Variants in PPEF1 observed in about 807,000 individuals in gnomAD.
PPEF1 encodes the protein protein phosphatase with EF-hand domain 1.
Under a neutral mutation model 53.3 loss-of-function variants are expected in PPEF1, and 12 were observed. That is an observed-to-expected ratio of 0.23 (90% CI 0.14 to 0.36). The LOEUF is 0.36. Among genes scored for constraint, PPEF1 ranks in the 10% least tolerant of loss-of-function variants. The probability of loss-of-function intolerance (pLI) is 1.00; values close to 1 mark genes in which losing one functional copy is unlikely to be tolerated. For synonymous variants in PPEF1, 165 were observed against 176.7 expected (o/e 0.93, Z 0.52); for missense variants, 334 against 490.4 (o/e 0.68, Z 3.01).
At chrX:18,770,526 G>T (rs778611513) in intron 6 of PPEF1, among the ~76,000 whole-genome samples, 3 of 111,756 alleles carry the variant, frequency 2.7e-5, no homozygotes, top group East Asian at 5.6e-4. Flanking sequence ...TTGAAGACAT[G>T]TGAGATTCTT....
chrX:18,809,143 T>C lies in PPEF1; in HGVS notation c.1394+2598T>C, dbSNP rs2046753218. ...TCTATCTATCTATCTATCTATCTAG[T>C]AATTCCTTGATATTTGTAGGGAATT... On this transcript the variant is annotated intron_variant, in intron 12 of 15. Coordinates refer to ENST00000470157, the MANE Select transcript of PPEF1 (RefSeq NM_001377996.1). Among the ~76,000 whole-genome samples, 3 of 101,476 alleles carry C rather than the reference T, an allele frequency of 3.0e-5. No individual in the cohort carries two copies. The South Asian group carries it at 1.4e-3, about 46-fold the overall frequency. 88.1% of individuals were successfully genotyped at this position (101,476 alleles called of 115,157 possible).
chrX:18,785,709 G>A, intron 9 of PPEF1, among the ~76,000 whole-genome samples: 1 of 110,792 alleles, frequency 9.0e-6, no homozygotes, highest in Admixed American at 9.7e-5. Context: ...ATAGCAAGAT[G>A]TCATCTCTAC....
At chrX:18,680,089 CAAA>C (rs756924550), upstream of PPEF1, among the ~76,000 whole-genome samples, 3 of 52,967 alleles carry the variant, frequency 5.7e-5, no homozygotes, top group Non-Finnish European at 3.7e-5. Context: ...ACCCTGTCCT[CAAA>C]AAAAAAAAAA....
intron 6 of PPEF1, among the ~76,000 whole-genome samples, chrX:18,770,121 C>T (rs1403441940): frequency 2.7e-5 from 3 of 111,237 alleles, no homozygotes; most frequent in Non-Finnish European, 5.6e-5. Flanking sequence ...CAGAGGGTTT[C>T]GTTTACTGGA....
chrX:18,724,077 T>G (rs941039680), intron 1 of PPEF1, among the ~76,000 whole-genome samples: 2 of 111,733 alleles, frequency 1.8e-5, no homozygotes, highest in African/African-American at 6.5e-5. Flanking sequence ...CTTGAGCCAT[T>G]GCGCCTGGCC....
intron 4 of PPEF1, among the ~76,000 whole-genome samples, chrX:18,751,434 G>C (rs1602413130): frequency 8.9e-6 from 1 of 112,250 alleles, no homozygotes; most frequent in East Asian, 2.8e-4. Flanking sequence ...AGCACCATCT[G>C]TTGAAGAGAC....
intron 12 of PPEF1, among the ~76,000 whole-genome samples, chrX:18,817,067 CATGT>C (rs1157679369): frequency 4.9e-3 from 243 of 49,127 alleles, no homozygotes; most frequent in African/African-American, 9.5e-3. Flanking sequence ...ATCATTTTGC[CATGT>C]GTGTGTGTGT....
At chrX:18,733,874 T>A in intron 3 of PPEF1, 66 bp downstream of exon 3, 1 of 921,531 alleles carries the variant, frequency 1.1e-6, no homozygotes, top group Non-Finnish European at 1.5e-6. Flanking sequence ...TCAAGAGCGG[T>A]AAATTCTGAA....
At chrX:18,700,429 G>C (rs913708009) in exon 6 of PPEF1, 4 of 107,767 alleles carry the variant, frequency 3.7e-5, no homozygotes, top group Non-Finnish European at 5.7e-5. Context: ...CCAAGCAGAA[G>C]AAACAGGTAA....
chrX:18,748,935 C>T (rs1403328165), intron 3 of PPEF1, among the ~76,000 whole-genome samples: 1 of 112,204 alleles, frequency 8.9e-6, no homozygotes, highest in East Asian at 2.8e-4. Context: ...GAAACACACT[C>T]TTGACGGGAG....
At chrX:18,726,038 G>A (rs2044698125) in intron 1 of PPEF1, among the ~76,000 whole-genome samples, 1 of 111,098 alleles carries the variant, frequency 9.0e-6, no homozygotes, top group Non-Finnish European at 1.9e-5. Context: ...TCCAGCTAGT[G>A]CCAGCCACTT....
chrX:18,813,106 C>T (rs1417867090), intron 12 of PPEF1, among the ~76,000 whole-genome samples: 1 of 111,186 alleles, frequency 9.0e-6, no homozygotes, highest in East Asian at 2.8e-4. Context: ...ATTGGCCGGG[C>T]ACGGTGGCTC....
intron 3 of PPEF1, among the ~76,000 whole-genome samples, chrX:18,748,145 A>G (rs1449570364): frequency 1.8e-5 from 2 of 112,236 alleles, no homozygotes; most frequent in African/African-American, 6.5e-5. Flanking sequence ...AACCAAACCC[A>G]AATGAGAAAA....
chrX:18,820,191 A>G (rs1307902611), intron 13 of PPEF1, among the ~76,000 whole-genome samples: 1 of 112,104 alleles, frequency 8.9e-6, no homozygotes, highest in Non-Finnish European at 1.9e-5. Flanking sequence ...AGGACATTTC[A>G]TAATGATAAA....
chrX:18,826,656 C>A (rs1445768016), intron 15 of PPEF1, among the ~76,000 whole-genome samples: 1 of 109,316 alleles, frequency 9.1e-6, no homozygotes, highest in Non-Finnish European at 1.9e-5. Flanking sequence ...GAACTCCCGA[C>A]CTCAGATGAC....
At chrX:18,820,197 A>C (rs958299250) in intron 13 of PPEF1, among the ~76,000 whole-genome samples, 1 of 112,042 alleles carries the variant, frequency 8.9e-6, no homozygotes, top group African/African-American at 3.2e-5. Flanking sequence ...TTTCATAATG[A>C]TAAAATATTA....
At chrX:18,822,532 G>A (rs962157486) in intron 13 of PPEF1, among the ~76,000 whole-genome samples, 55 of 107,165 alleles carry the variant, frequency 5.1e-4, no homozygotes, top group Non-Finnish European at 8.5e-4. Flanking sequence ...TTTTTGAGAC[G>A]GAGTCTTGCT....
intron 9 of PPEF1, among the ~76,000 whole-genome samples, chrX:18,788,304 CAAAAA>C (rs1214682551): frequency 4.3e-4 from 13 of 30,293 alleles, no homozygotes; most frequent in African/African-American, 5.9e-4. Context: ...GACTCTGTCT[CAAAAA>C]AAAAAAAAAA....
Position 18,748,517 on chromosome X carries a change from T to C in PPEF1, c.236-1275T>C, listed in dbSNP as rs186423676. Among the ~76,000 whole-genome samples the C allele has an allele frequency of 3.6e-5, 4 of 112,584 alleles. No homozygotes were observed. The East Asian group carries it at 1.1e-3, about 31-fold the overall frequency. ...TCTGGGTCATTATCCGCAAGAATAT[T>C]GTGTATTAAACAACCACCATACCTC... On this transcript the variant is annotated intron_variant, in intron 3 of 15. Coordinates refer to ENST00000470157, the MANE Select transcript of PPEF1 (RefSeq NM_001377996.1).
Sources: allele counts gnomAD v4.1 joint callset (sites outside exome capture counted in the v4.1 genomes callset), GRCh38; gene constraint gnomAD v4.1.1; transcripts MANE v1.5; gene names NCBI Gene and HGNC (gene_info 2026-07-23, HGNC 2026-07-21).